YLPM1: variants seen among roughly 807,000 people sequenced by gnomAD.
The protein encoded by YLPM1 is YLP motif containing 1, also known as YLP motif-containing protein 1.
YLPM1 carries 99 observed loss-of-function variants against 230.0 expected under a neutral mutation model. That is an observed-to-expected ratio of 0.43 (90% CI 0.37 to 0.51). The LOEUF is 0.51. YLPM1 is among the 20% of genes least tolerant of loss of function. The pLI, the probability that YLPM1 is intolerant of heterozygous loss-of-function variation, is 0.00. For synonymous variants in YLPM1, 984 were observed against 942.5 expected, an observed-to-expected ratio of 1.04 and a Z score of -0.81; for missense variants, 2,592 against 2,707.7, an observed-to-expected ratio of 0.96 and a Z score of 0.95.
chr14:74,798,299 C>T lies in YLPM1; in HGVS notation c.3002C>T (p.Pro1001Leu), dbSNP rs1301662851. ...GAAAACAACCAAGATAAAGGCCTGC[C>T]TCGGCCAGATAATAGAGATAATAGA... is the stretch of plus-strand genomic sequence containing the variant. ...HSENNQDKGLPRPDNRDNRLE... is the reference protein window; with the variant it reads ...HSENNQDKGLLRPDNRDNRLE... The change falls in exon 5 of 21, where the codon CCT (proline) becomes CTT (leucine). Residue 1001 changes from proline to leucine, a missense_variant. By Grantham distance (98) the Pro-to-Leu change is moderately conservative (BLOSUM62 -3). Around this residue, in one of 4 missense-constraint regions of YLPM1, gnomAD observed 1,862 missense variants for 1,819.8 expected, o/e 1.02. Transcript: ENST00000325680. 1 of 1,613,766 alleles carries T rather than the reference C, an allele frequency of 6.2e-7. No individual in the cohort carries two copies. The highest frequency in any genetic ancestry group is 1.3e-5 in the African/African-American group (1 of 74,872).
intron 2 of YLPM1, among the ~76,000 whole-genome samples, chr14:74,779,573 T>C (rs1055006393): frequency 1.4e-4 from 22 of 152,168 alleles, no homozygotes; most frequent in Middle Eastern, 6.8e-3. Context: ...TTGTAGTCCA[T>C]TGGTGAAAAG....
intron 4 of YLPM1, among the ~76,000 whole-genome samples, chr14:74,791,453 T>C (rs1292385982): frequency 2.0e-5 from 3 of 152,226 alleles, no homozygotes; most frequent in Non-Finnish European, 2.9e-5. Context: ...CCTTCTGCCA[T>C]GTCCTCTTAT....
At chr14:74,799,764 A>T (rs1465896945) in intron 5 of YLPM1, 67 bp downstream of exon 5, 8 of 1,469,564 alleles carry the variant, frequency 5.4e-6, no homozygotes, top group Non-Finnish European at 7.2e-6. Flanking sequence ...TTTTAAAGTG[A>T]TATGATATAT....
At chr14:74,822,473 G>C (rs2091529652) in intron 17 of YLPM1, among the ~76,000 whole-genome samples, 1 of 152,144 alleles carries the variant, frequency 6.6e-6, no homozygotes, top group Non-Finnish European at 1.5e-5. Flanking sequence ...GTCATGGCAA[G>C]GAGGCCTTAA....
intron 19 of YLPM1, among the ~76,000 whole-genome samples, chr14:74,829,872 A>G (rs951979721): frequency 6.6e-6 from 1 of 152,356 alleles, no homozygotes; most frequent in African/African-American, 2.4e-5. Flanking sequence ...AGTTAGAAAT[A>G]TAAGTGAAAA....
intron 1 of YLPM1, 148 bp downstream of exon 1, chr14:74,764,510 A>G: frequency 8.8e-7 from 1 of 1,133,428 alleles, no homozygotes; most frequent in East Asian, 2.6e-5. Context: ...GAGGGCTGAC[A>G]GCTCAGCTTT....
At chr14:74,804,101 G>A (rs2091354553) in intron 6 of YLPM1, among the ~76,000 whole-genome samples, 1 of 152,186 alleles carries the variant, frequency 6.6e-6, no homozygotes, top group Non-Finnish European at 1.5e-5. Flanking sequence ...AGGTTGCGGT[G>A]AGCCGACATC....
At chr14:74,772,895 T>C (rs2090992934) in intron 1 of YLPM1, among the ~76,000 whole-genome samples, 1 of 152,194 alleles carries the variant, frequency 6.6e-6, no homozygotes, top group South Asian at 2.1e-4. Context: ...AGTGATATCA[T>C]TATTATTTAT....
At chr14:74,811,239 T>C (rs1594836134) in intron 9 of YLPM1, among the ~76,000 whole-genome samples, 1 of 152,046 alleles carries the variant, frequency 6.6e-6, no homozygotes, top group East Asian at 2.0e-4. Context: ...CCTAGCACTT[T>C]GGGAGGCCAA....
At chr14:74,821,242 T>G in intron 17 of YLPM1, 105 bp downstream of exon 17, 1 of 1,388,936 alleles carries the variant, frequency 7.2e-7, no homozygotes, top group Non-Finnish European at 9.4e-7. Flanking sequence ...ATATACACTT[T>G]AGTGGTAAAA....
chr14:74,828,214 A>T (rs1201332210), intron 18 of YLPM1, among the ~76,000 whole-genome samples: 1 of 151,636 alleles, frequency 6.6e-6, no homozygotes. Flanking sequence ...TATTATATAC[A>T]CTCTTTATGG....
At chr14:74,815,011 T>C (rs2091465549) in intron 11 of YLPM1, among the ~76,000 whole-genome samples, 1 of 152,236 alleles carries the variant, frequency 6.6e-6, no homozygotes, top group African/African-American at 2.4e-5. Context: ...TGGCATACAA[T>C]TGTTCATAGT....
intron 10 of YLPM1, 124 bp downstream of exon 10, chr14:74,811,862 G>A: frequency 1.7e-6 from 1 of 592,556 alleles, no homozygotes; most frequent in South Asian, 3.0e-5. Context: ...TAGAGCTGGT[G>A]GCATTGTCCT....
At chr14:74,786,760 T>A (rs181799846) in intron 4 of YLPM1, among the ~76,000 whole-genome samples, 1 of 152,372 alleles carries the variant, frequency 6.6e-6, no homozygotes, top group East Asian at 1.9e-4. Flanking sequence ...GCTGTATGTG[T>A]CCCTTTAGAT....
chr14:74,835,353 T>C lies in YLPM1; in HGVS notation c.6383T>C (p.Ile2128Thr). ...GTCGGACAGACTGATTGGGAGAAGA[T>C]CACAGATGAAAGTGGTCACCTGGCT... ...FVVGQTDWEKITDESGHLAEK... is the reference protein window; with the variant it reads ...FVVGQTDWEKTTDESGHLAEK... The change falls in exon 20 of 21, where the codon ATC (isoleucine) becomes ACC (threonine). Residue 2128 changes from isoleucine (I) to threonine (T), a missense_variant. Ile to Thr is a moderately conservative substitution (Grantham distance 89). Transcript: ENST00000325680. 6.2e-7 allele frequency: 1 copy of C among 1,613,734 alleles called. No individual in the cohort carries two copies. Among genetic ancestry groups the C allele is most frequent in the East Asian group, 2.2e-5 (1 of 44,870 alleles).
At chr14:74,821,227 T>C in intron 17 of YLPM1, 90 bp downstream of exon 17, 1 of 1,450,096 alleles carries the variant, frequency 6.9e-7, no homozygotes, top group Non-Finnish European at 9.1e-7. Context: ...AGACAACTAC[T>C]GTTGATATAC....
intron 4 of YLPM1, among the ~76,000 whole-genome samples, chr14:74,789,769 A>AGAT (rs1306131160): frequency 3.3e-5 from 5 of 151,858 alleles, no homozygotes; most frequent in Non-Finnish European, 2.9e-5. Context: ...CTGGAACTGT[A>AGAT]GATGTGTCCC....
rs768371057 is a variant in YLPM1, at chr14:74,799,299, A to C, written c.4002A>C (p.Leu1334Phe). The C allele has an allele frequency of 6.2e-7, 1 of 1,613,924 alleles. No homozygotes were observed. The highest frequency in any genetic ancestry group is 8.5e-7 in the Non-Finnish European group (1 of 1,179,874). ...RERDIPSLPP[L>F]PPLPPLPPLD... ...GGGATATTCCATCTCTTCCACCTTT[A>C]CCGCCCCTCCCACCTCTTCCACCTT... Residue 1334 changes from leucine to phenylalanine, a missense_variant, in exon 5 of 21, where the codon TTA becomes TTC. Physicochemically the swap from Leu to Phe is conservative, Grantham distance 22. Transcript: ENST00000325680.
At chr14:74,783,772 T>A (rs1045512703) in intron 4 of YLPM1, among the ~76,000 whole-genome samples, 1 of 152,240 alleles carries the variant, frequency 6.6e-6, no homozygotes, top group Non-Finnish European at 1.5e-5. Flanking sequence ...GCAATTAACA[T>A]GAATTCCTCT....
Sources: allele counts gnomAD v4.1 joint callset (sites outside exome capture counted in the v4.1 genomes callset), GRCh38; gene constraint gnomAD v4.1.1; regional missense constraint gnomAD v4.1.1; transcripts MANE v1.5; gene names NCBI Gene and HGNC (gene_info 2026-07-23, HGNC 2026-07-21).